HTR4: variants seen among roughly 807,000 people sequenced by gnomAD.
HTR4 encodes 5-hydroxytryptamine (serotonin) receptor 4, G protein-coupled.
In HTR4, 16 loss-of-function variants were observed where a neutral mutation model predicts 36.8. The observed-to-expected ratio is 0.43, with a 90% confidence interval of 0.29 to 0.66. The LOEUF (loss-of-function observed/expected upper bound fraction) is 0.66, where lower values mean the gene tolerates loss of function less well. Among genes scored for constraint, HTR4 ranks in the 30% least tolerant of loss-of-function variants. The pLI is 0.13. For synonymous variants in HTR4, 189 were observed against 185.1 expected (o/e 1.02, Z -0.17); for missense variants, 438 against 490.9 (o/e 0.89, Z 1.02).
intron 6 of HTR4, among the ~76,000 whole-genome samples, chr5:148,491,889 T>C (rs887248542): frequency 6.6e-6 from 1 of 152,080 alleles, no homozygotes; most frequent in African/African-American, 2.4e-5. Context: ...GCACTCAAGC[T>C]CCTAAAATAA....
At chr5:148,574,748 G>A (rs1193686878) in intron 2 of HTR4, among the ~76,000 whole-genome samples, 5 of 152,058 alleles carry the variant, frequency 3.3e-5, no homozygotes, top group Admixed American at 2.6e-4. Context: ...CACAGTTCCT[G>A]TAATATACGG....
At chr5:148,494,751 A>G (rs547027241) in intron 6 of HTR4, among the ~76,000 whole-genome samples, 1 of 152,352 alleles carries the variant, frequency 6.6e-6, no homozygotes, top group South Asian at 2.1e-4. Context: ...CTACATTTAT[A>G]TCTAAGCCAA....
At chr5:148,540,430 A>G (rs1311951124) in intron 4 of HTR4, among the ~76,000 whole-genome samples, 6 of 137,024 alleles carry the variant, frequency 4.4e-5, no homozygotes, top group East Asian at 2.1e-4. Context: ...ATATATATAT[A>G]TATATATATA....
intron 2 of HTR4, among the ~76,000 whole-genome samples, chr5:148,632,064 T>C (rs556264214): frequency 6.6e-6 from 1 of 152,278 alleles, no homozygotes; most frequent in South Asian, 2.1e-4. Context: ...GGAAAATTCT[T>C]CTTTCTTGGA....
intron 5 of HTR4, among the ~76,000 whole-genome samples, chr5:148,457,382 C>T (rs1002437739): frequency 6.6e-6 from 1 of 151,980 alleles, no homozygotes; most frequent in Non-Finnish European, 1.5e-5. Context: ...ATGACGGGAG[C>T]CACATTAGAT....
chr5:148,522,268 A>T (rs189733403), intron 5 of HTR4, among the ~76,000 whole-genome samples: 1 of 152,256 alleles, frequency 6.6e-6, no homozygotes, highest in East Asian at 1.9e-4. Flanking sequence ...TCAGCAGTGT[A>T]AAAATGGACT....
At chr5:148,502,441 A>T (rs555650829) in intron 6 of HTR4, among the ~76,000 whole-genome samples, 35 of 152,228 alleles carry the variant, frequency 2.3e-4, no homozygotes, top group Non-Finnish European at 4.3e-4. Flanking sequence ...GAAGGTCCTG[A>T]CTGTTAGAAG....
intron 6 of HTR4, chr5:148,484,484 T>C: frequency 9.1e-7 from 1 of 1,104,014 alleles, no homozygotes; most frequent in Non-Finnish European, 1.3e-6. Context: ...TAGTGTTTCT[T>C]GAAAAATTGG....
intron 6 of HTR4, among the ~76,000 whole-genome samples, chr5:148,496,308 G>C (rs148995975): frequency 1.4e-3 from 210 of 152,228 alleles, no homozygotes; most frequent in African/African-American, 4.7e-3. Context: ...CCAGGAATCT[G>C]TGTTTTTACT....
At chr5:148,456,737 C>A (rs1488896951) in intron 5 of HTR4, among the ~76,000 whole-genome samples, 1 of 152,218 alleles carries the variant, frequency 6.6e-6, no homozygotes, top group Non-Finnish European at 1.5e-5. Flanking sequence ...AATACAGGTT[C>A]TTGAGGCAGA....
At chr5:148,572,077 T>C (rs1319281456) in intron 2 of HTR4, among the ~76,000 whole-genome samples, 3 of 152,020 alleles carry the variant, frequency 2.0e-5, no homozygotes, top group African/African-American at 4.8e-5. Context: ...AGCTTGAAAA[T>C]AAATGGTGGG....
chr5:148,476,884 G>T, downstream of HTR4: 1 of 1,353,560 alleles, frequency 7.4e-7, no homozygotes, highest in South Asian at 1.5e-5. Context: ...GGCTGGAAAA[G>T]ACTTCAGGTA....
At chr5:148,481,525 G>A, downstream of HTR4, 6 of 1,510,458 alleles carry the variant, frequency 4.0e-6, no homozygotes, top group Non-Finnish European at 5.3e-6. Context: ...GTCTTCATAG[G>A]ACAGAGAGGC....
At position 148,482,151 on chromosome 5, in the gene HTR4, C is replaced by T; in HGVS notation, c.*1052G>A. 2 of 985,808 alleles carry T rather than the reference C, an allele frequency of 2.0e-6. No individual in the cohort carries two copies. The highest frequency in any genetic ancestry group is 3.5e-5 in the African/African-American group (2 of 57,352). 61.1% of individuals were successfully genotyped at this position (985,808 alleles called of 1,614,324 possible). On this transcript the variant is annotated 3_prime_UTR_variant, in exon 7 of 7. Coordinates refer to ENST00000377888, the MANE Select transcript of HTR4 (RefSeq NM_000870.7). The stretch of plus-strand genomic sequence containing the variant: ...TCTGGCTTCAAGTACAGCATTGCCT[C>T]GGCATCCCCAGTGCTGCTGGATCCT...
At chr5:148,573,301 T>G (rs1003441754) in intron 2 of HTR4, among the ~76,000 whole-genome samples, 3 of 152,074 alleles carry the variant, frequency 2.0e-5, no homozygotes, top group Non-Finnish European at 4.4e-5. Context: ...TGGGTTAGAT[T>G]ATACTCTGGG....
chr5:148,534,084 T>TAATC (rs1394618685), intron 4 of HTR4, among the ~76,000 whole-genome samples: 3 of 152,228 alleles, frequency 2.0e-5, no homozygotes, highest in African/African-American at 7.2e-5. Flanking sequence ...TAAGATCTAG[T>TAATC]AATCATACAT....
chr5:148,494,415 G>A (rs758784881), intron 6 of HTR4, among the ~76,000 whole-genome samples: 4 of 152,146 alleles, frequency 2.6e-5, no homozygotes, highest in Non-Finnish European at 5.9e-5. Context: ...ATAACAAGGG[G>A]CTGTAACCCG....
intron 5 of HTR4, among the ~76,000 whole-genome samples, chr5:148,452,313 A>T (rs17108269): frequency 0.032 from 4,862 of 152,276 alleles, 249 homozygotes; most frequent in African/African-American, 0.11. Flanking sequence ...ATGAAGACAC[A>T]TCCAATCAAA....
chr5:148,489,019 T>C (rs1044499745), intron 6 of HTR4, among the ~76,000 whole-genome samples: 2 of 152,198 alleles, frequency 1.3e-5, no homozygotes, highest in Non-Finnish European at 2.9e-5. Context: ...AGTTCCTAAA[T>C]GGCAAATAAA....
Sources: gnomAD v4.1 joint callset for allele counts (sites outside exome capture counted in the v4.1 genomes callset) on GRCh38, gnomAD v4.1.1 for gene constraint, MANE v1.5 for transcripts, NCBI Gene and HGNC (gene_info 2026-07-23, HGNC 2026-07-21) for gene names.